The following KCNMA1 variants were observed in gnomAD, a reference collection of about 807,000 sequenced individuals.
The protein encoded by KCNMA1 is Calcium-activated potassium channel subunit alpha-1.
In KCNMA1, 29 loss-of-function variants were observed where a neutral mutation model predicts 140.0. The ratio of observed to expected loss-of-function variants is 0.21; its 90% CI spans 0.15 to 0.28. The LOEUF (loss-of-function observed/expected upper bound fraction) is 0.28, where lower values mean the gene tolerates loss of function less well. Among genes scored for constraint, KCNMA1 ranks in the 10% least tolerant of loss-of-function variants. The probability of loss-of-function intolerance (pLI) is 1.00; values close to 1 mark genes in which losing one functional copy is unlikely to be tolerated. For missense variants in KCNMA1, 880 were observed against 1,602.2 expected (o/e 0.55, Z 7.70); for synonymous variants, 612 against 611.9 (o/e 1.00, Z 0.00).
intron 1 of KCNMA1, among the ~76,000 whole-genome samples, chr10:77,612,099 G>A (rs1325102070): frequency 6.6e-6 from 1 of 152,124 alleles, no homozygotes; most frequent in Non-Finnish European, 1.5e-5. Context: ...GACCTAACCA[G>A]ATCCAAAAAC....
At chr10:77,632,793 A>T (rs891599416) in intron 1 of KCNMA1, among the ~76,000 whole-genome samples, 1 of 152,242 alleles carries the variant, frequency 6.6e-6, no homozygotes, top group African/African-American at 2.4e-5. Flanking sequence ...GTTACCACTT[A>T]CAAGAGGCCT....
At chr10:76,944,048 G>T (rs1363688595) in intron 23 of KCNMA1, among the ~76,000 whole-genome samples, 1 of 152,130 alleles carries the variant, frequency 6.6e-6, no homozygotes, top group Non-Finnish European at 1.5e-5. Context: ...TCACTCAATG[G>T]AAAATGCTTT....
In KCNMA1 at chr10:77,324,971, C is replaced by CTCTCTGTG. The variant is rs766240356; in HGVS notation, c.541-73716_541-73715insCACAGAGA. Among the ~76,000 whole-genome samples the CTCTCTGTG allele has an allele frequency of 2.5e-3, 224 of 90,418 alleles. 1 individual carries two copies. The highest frequency in any genetic ancestry group is 9.3e-3 in the African/African-American group (201 of 21,646). 59.3% of individuals were successfully genotyped at this position (90,418 alleles called of 152,430 possible). The stretch of plus-strand genomic sequence containing the variant: ...TCTCTCTCTCTCTCTCTCTCTCTCT[C>CTCTCTGTG]TGTGTGTGTGTGTGTGTGTGTGTGT... On this transcript the variant is annotated intron_variant, in intron 2 of 27. Transcript: ENST00000286628.
chr10:77,137,255 C>T (rs909308158), intron 5 of KCNMA1, among the ~76,000 whole-genome samples: 1 of 152,168 alleles, frequency 6.6e-6, no homozygotes, highest in African/African-American at 2.4e-5. Flanking sequence ...TACCAGAAAG[C>T]CTGCCAGGGT....
chr10:77,248,226 C>T lies in KCNMA1; in HGVS notation c.602+2969G>A, dbSNP rs116787557. On this transcript the variant is annotated intron_variant, in intron 3 of 27. Coordinates refer to ENST00000286628, the MANE Select transcript of KCNMA1 (RefSeq NM_001161352.2). ...TTGCACAACTGGAGCTGGCCTGCCTCGAGACATAGCTGGTCCAGCAGACCT... is the reference window on the plus strand; with the variant it reads ...TTGCACAACTGGAGCTGGCCTGCCTTGAGACATAGCTGGTCCAGCAGACCT... 8.1e-3 allele frequency among the ~76,000 whole-genome samples: 1,227 copies of T among 152,270 alleles called. 20 individuals carry two copies. Among genetic ancestry groups the T allele is most frequent in the African/African-American group, 0.028 (1,153 of 41,554 alleles).
In KCNMA1 at chr10:77,382,988, G is replaced by A. The variant is rs201742126; in HGVS notation, c.540+20874C>T. Among the ~76,000 whole-genome samples the A allele has an allele frequency of 4.3e-3, 195 of 44,854 alleles. 2 individuals carry two copies. The highest frequency in any genetic ancestry group is 0.027 in the African/African-American group (187 of 7,018). The allele number at this position is 44,854 out of a possible 152,430, so 29.4% of individuals were successfully genotyped here. ...TGTGTGTGTGTGTGTGTGTGTGTGT[G>A]TGTGTGTATATATATATATATATAT... On this transcript the variant is annotated intron_variant, in intron 2 of 27. Coordinates refer to ENST00000286628, the MANE Select transcript of KCNMA1 (RefSeq NM_001161352.2).
At chr10:77,520,024 ATG>A (rs2052373914) in intron 1 of KCNMA1, among the ~76,000 whole-genome samples, 1 of 62,966 alleles carries the variant, frequency 1.6e-5, no homozygotes, top group African/African-American at 6.6e-5. Flanking sequence ...GGGCTGGGGT[ATG>A]CAGTGTGAGG....
chr10:77,549,580 G>A (rs559700944), intron 1 of KCNMA1, among the ~76,000 whole-genome samples: 155 of 152,286 alleles, frequency 1.0e-3, no homozygotes, highest in Non-Finnish European at 1.9e-3. Context: ...CATGAAGAAG[G>A]CCAAAAAAAT....
intron 1 of KCNMA1, among the ~76,000 whole-genome samples, chr10:77,582,736 C>T (rs527347416): frequency 6.6e-6 from 1 of 152,376 alleles, no homozygotes; most frequent in Non-Finnish European, 1.5e-5. Flanking sequence ...GGGCAGCTCA[C>T]AGAGCCATGC....
At chr10:76,941,052 A>AGAAG (rs2061970403) in intron 23 of KCNMA1, among the ~76,000 whole-genome samples, 1 of 62,200 alleles carries the variant, frequency 1.6e-5, no homozygotes, top group East Asian at 6.8e-4. Context: ...AAAGAAAGAA[A>AGAAG]GAGAAAGAAA....
intron 1 of KCNMA1, among the ~76,000 whole-genome samples, chr10:77,594,195 G>A (rs950419460): frequency 6.6e-6 from 1 of 152,204 alleles, no homozygotes; most frequent in African/African-American, 2.4e-5. Flanking sequence ...CAGGTTTACA[G>A]CCGTTCTGTC....
At chr10:77,636,602 T>C in intron 1 of KCNMA1, 2 of 1,536,166 alleles carry the variant, frequency 1.3e-6, no homozygotes, top group Non-Finnish European at 1.7e-6. Context: ...ACATCAGATA[T>C]GCGACCTCGA....
intron 23 of KCNMA1, among the ~76,000 whole-genome samples, chr10:76,943,169 C>T (rs180702071): frequency 3.9e-5 from 6 of 152,342 alleles, no homozygotes; most frequent in East Asian, 1.9e-4. Context: ...CATCCTTTCT[C>T]GCCTGTGCTA....
intron 1 of KCNMA1, among the ~76,000 whole-genome samples, chr10:77,599,644 C>T (rs898580274): frequency 3.3e-5 from 5 of 152,140 alleles, no homozygotes; most frequent in African/African-American, 1.2e-4. Context: ...GCAGAGTTGA[C>T]GATGTGTGAT....
chr10:77,406,844 C>T (rs561590232), intron 1 of KCNMA1, among the ~76,000 whole-genome samples: 82 of 152,228 alleles, frequency 5.4e-4, no homozygotes, highest in Non-Finnish European at 8.1e-4. Flanking sequence ...CTGGCCACCA[C>T]GTGGGGACCT....
chr10:77,506,243 C>T (rs1424606876), intron 1 of KCNMA1, among the ~76,000 whole-genome samples: 3 of 152,084 alleles, frequency 2.0e-5, no homozygotes, highest in Non-Finnish European at 4.4e-5. Flanking sequence ...CTCAGATGAC[C>T]CTGATGGGCA....
At chr10:77,321,809 GAA>G (rs1265936099) in intron 2 of KCNMA1, among the ~76,000 whole-genome samples, 1 of 152,136 alleles carries the variant, frequency 6.6e-6, no homozygotes, top group Admixed American at 6.5e-5. Flanking sequence ...ACTGCAGCTT[GAA>G]AGGGTTCCTA....
At chr10:77,320,619 T>A (rs1413743743) in intron 2 of KCNMA1, among the ~76,000 whole-genome samples, 1 of 152,074 alleles carries the variant, frequency 6.6e-6, no homozygotes, top group Non-Finnish European at 1.5e-5. Context: ...AGGTATGTAT[T>A]CCCCAATTTG....
In KCNMA1 at chr10:76,919,866, C is replaced by T. The variant is rs1012837324; in HGVS notation, c.2903-4817G>A. ...TTTTATTAGGTATACAATAAGTATT[C>T]GTGGATCACTTCCCCTTCCCTATGG... On this transcript the variant is annotated intron_variant, in intron 23 of 27. Transcript: ENST00000286628. Among the ~76,000 whole-genome samples, 7 of 151,100 alleles carry T rather than the reference C, an allele frequency of 4.6e-5. No homozygotes were observed. The South Asian group carries it at 6.3e-4, about 14-fold the overall frequency.
Sources: gnomAD v4.1 joint callset for allele counts (sites outside exome capture counted in the v4.1 genomes callset) on GRCh38, gnomAD v4.1.1 for gene constraint, MANE v1.5 for transcripts, NCBI Gene and HGNC (gene_info 2026-07-23, HGNC 2026-07-21) for gene names.